IPO11: variants seen among roughly 807,000 people sequenced by gnomAD.
The protein encoded by IPO11 is importin 11, also known as importin-11.
In IPO11, 66 loss-of-function variants were observed where a neutral mutation model predicts 143.2. The observed-to-expected ratio is 0.46, with a 90% CI of 0.38 to 0.57. The LOEUF (loss-of-function observed/expected upper bound fraction) is 0.57, where lower values mean the gene tolerates loss of function less well. IPO11 is among the 20% of genes least tolerant of loss of function. IPO11 has a pLI of 0.00. For missense variants in IPO11, 1,026 were observed against 1,141.0 expected, an observed-to-expected ratio of 0.90 and a Z score of 1.45; for synonymous variants, 385 against 377.8, an observed-to-expected ratio of 1.02 and a Z score of -0.22.
intron 29 of IPO11, among the ~76,000 whole-genome samples, chr5:62,623,994 G>A (rs1241756197): frequency 1.3e-5 from 2 of 151,362 alleles, no homozygotes; most frequent in Non-Finnish European, 2.9e-5. Flanking sequence ...GGAAGGGGTG[G>A]TCAATTCTTA....
At chr5:62,431,865 C>T (rs530356658) in intron 1 of IPO11, among the ~76,000 whole-genome samples, 2 of 152,076 alleles carry the variant, frequency 1.3e-5, no homozygotes, top group East Asian at 3.9e-4. Flanking sequence ...CGCTTGAGCC[C>T]AGGAGGCAGA....
At chr5:62,449,347 C>T (rs544427349) in intron 3 of IPO11, among the ~76,000 whole-genome samples, 7 of 152,216 alleles carry the variant, frequency 4.6e-5, no homozygotes, top group African/African-American at 1.2e-4. Flanking sequence ...TTATTCTTTT[C>T]GGAGATGTTT....
Position 62,526,265 on chromosome 5 carries a change from G to GAA in IPO11, c.2012+12_2012+13dup. The stretch of plus-strand genomic sequence containing the variant: ...AGATGGTTTAGAATTATGGTAAGAG[G>GAA]AAAAACTTAATACCATGGATCTTAT... On this transcript the variant is annotated intron_variant, in intron 21 of 29. Transcript: ENST00000325324. 6.4e-7 allele frequency: 1 copy of GAA among 1,558,582 alleles called. No homozygotes were observed. The highest frequency in any genetic ancestry group is 8.9e-7 in the Non-Finnish European group (1 of 1,129,930).
chr5:62,615,758 G>C (rs1746108065), intron 29 of IPO11, among the ~76,000 whole-genome samples: 1 of 152,214 alleles, frequency 6.6e-6, no homozygotes, highest in Non-Finnish European at 1.5e-5. Flanking sequence ...AGTACAAAAA[G>C]TGGATTGGTT....
At chr5:62,511,363 T>A (rs116247795) in intron 19 of IPO11, among the ~76,000 whole-genome samples, 2,321 of 152,268 alleles carry the variant, frequency 0.015, 57 homozygotes, top group African/African-American at 0.051. Context: ...TTTTATGAGC[T>A]AACTGGAGTG....
intron 1 of IPO11, among the ~76,000 whole-genome samples, chr5:62,425,358 C>T (rs1228190869): frequency 6.6e-6 from 1 of 152,162 alleles, no homozygotes; most frequent in Non-Finnish European, 1.5e-5. Context: ...GCTGTTGTTG[C>T]CCAGGCTGAA....
At chr5:62,413,990 C>T (rs569127623) in intron 1 of IPO11, among the ~76,000 whole-genome samples, 2 of 152,160 alleles carry the variant, frequency 1.3e-5, no homozygotes, top group Non-Finnish European at 2.9e-5. Flanking sequence ...TCTGCAGTAA[C>T]CTAGCACAGG....
chr5:62,544,748 CA>C (rs1424500641), intron 24 of IPO11, among the ~76,000 whole-genome samples: 2 of 152,168 alleles, frequency 1.3e-5, no homozygotes, highest in Non-Finnish European at 2.9e-5. Flanking sequence ...GCAACTTCAG[CA>C]AAATCTCAGG....
At chr5:62,437,086 AAAT>A (rs1234103416) in intron 1 of IPO11, among the ~76,000 whole-genome samples, 185 bp from the exon 2 acceptor site, 1 of 152,170 alleles carries the variant, frequency 6.6e-6, no homozygotes. Flanking sequence ...ATTTAAGCAA[AAAT>A]AATTTGATTA....
At position 62,437,381 on chromosome 5, in the gene IPO11, G is replaced by C. The variant is rs1370914906; in HGVS notation, c.102G>C (p.Gln34His). ...AACCAGCTGAGGAGCAGTTGAAGCA[G>C]TGGGAGACACAGCCAGGTTTCTATT... ...VLKPAEEQLK[Q>H]WETQPGFYSV... is the part of the protein sequence containing the mutation. Residue 34 changes from glutamine (Q) to histidine (H), a missense_variant, in exon 2 of 30, where the codon CAG becomes CAC. Transcript: ENST00000325324. The C allele has an allele frequency of 1.2e-6, 2 of 1,612,192 alleles. No individual in the cohort carries two copies. The highest frequency in any genetic ancestry group is 2.2e-5 in the East Asian group (1 of 44,816).
chr5:62,476,965 C>T (rs1468615979), intron 9 of IPO11, among the ~76,000 whole-genome samples: 1 of 151,968 alleles, frequency 6.6e-6, no homozygotes, highest in African/African-American at 2.4e-5. Flanking sequence ...TGTAAGTCAC[C>T]TTGGTACATG....
At chr5:62,465,454 T>C (rs900972625) in intron 5 of IPO11, among the ~76,000 whole-genome samples, 1 of 152,236 alleles carries the variant, frequency 6.6e-6, no homozygotes, top group Non-Finnish European at 1.5e-5. Context: ...TTTTAAATAT[T>C]ATTTCCCTTC....
chr5:62,424,272 T>C (rs1743628249), intron 1 of IPO11, among the ~76,000 whole-genome samples: 1 of 152,034 alleles, frequency 6.6e-6, no homozygotes, highest in African/African-American at 2.4e-5. Flanking sequence ...CCCGAGTAGC[T>C]GGGACTACAG....
chr5:62,578,212 A>G (rs913681971), intron 27 of IPO11, among the ~76,000 whole-genome samples: 2 of 152,110 alleles, frequency 1.3e-5, no homozygotes, highest in Non-Finnish European at 2.9e-5. Flanking sequence ...TTAGTAGCTT[A>G]CTACCAATTA....
At position 62,598,521 on chromosome 5, in the gene IPO11, T is replaced by C. The variant is rs1366721534; in HGVS notation, c.2679-3243T>C. On this transcript the variant is annotated intron_variant, in intron 28 of 29. Coordinates refer to ENST00000325324, the MANE Select transcript of IPO11 (RefSeq NM_016338.5). ...TTCTTTCTTTCTTTCTTTCTTTCTT[T>C]CTTTCTTTTCTTTCTTTTCTTTCTT... Among the ~76,000 whole-genome samples, 12 of 11,330 alleles carry C rather than the reference T, an allele frequency of 1.1e-3. No homozygotes were observed. In the African/African-American group the frequency reaches 0.013, roughly 12 times the overall value. 7.4% of individuals were successfully genotyped at this position (11,330 alleles called of 152,430 possible).
Position 62,451,897 on chromosome 5 carries a change from T to C in IPO11, c.480T>C (p.Ser160=). ...TFYHVTKTLA[S]KRLAADRKLF... ...ATCATGTTACCAAGACACTGGCATC[T>C]AAACGACTTGCTGCTGATAGAAAAC... The change falls in exon 5 of 30, where the codon TCT becomes TCC. Residue 160 remains serine, a synonymous_variant. Coordinates refer to ENST00000325324, the MANE Select transcript of IPO11 (RefSeq NM_016338.5). 1.2e-6 allele frequency: 2 copies of C among 1,613,946 alleles called. No individual in the cohort carries two copies. Among genetic ancestry groups the C allele is most frequent in the Middle Eastern group, 1.7e-4 (1 of 6,060 alleles).
chr5:62,480,932 T>TTC, intron 9 of IPO11, among the ~76,000 whole-genome samples: 1 of 112,486 alleles, frequency 8.9e-6, no homozygotes, highest in South Asian at 3.4e-4. Flanking sequence ...TTTTTTTTTT[T>TTC]GGAGACAGAG....
Position 62,530,756 on chromosome 5 carries a change from G to A in IPO11, c.2060G>A (p.Arg687His), listed in dbSNP as rs770717460. 9.3e-6 allele frequency: 15 copies of A among 1,612,342 alleles called. No homozygotes were observed. The highest frequency in any genetic ancestry group is 3.3e-5 in the South Asian group (3 of 91,010). ...CCATGTATTACACCAGAGTTGCTTC[G>A]TATATTTCAGAATATGTCACCACTT... ...NSPCITPELL[R>H]IFQNMSPLLE... The change falls in exon 22 of 30, where the codon CGT (arginine) becomes CAT (histidine). Residue 687 changes from arginine to histidine, a missense_variant. Arg to His is a conservative substitution (Grantham distance 29). Coordinates refer to ENST00000325324, the MANE Select transcript of IPO11 (RefSeq NM_016338.5).
At chr5:62,565,279 A>T (rs531463936) in intron 27 of IPO11, among the ~76,000 whole-genome samples, 1 of 152,292 alleles carries the variant, frequency 6.6e-6, no homozygotes, top group African/African-American at 2.4e-5. Context: ...TGAGGTCAGG[A>T]CTTTGAGACC....
Sources: gnomAD v4.1 joint callset for allele counts (sites outside exome capture counted in the v4.1 genomes callset) on GRCh38, gnomAD v4.1.1 for gene constraint, MANE v1.5 for transcripts, NCBI Gene and HGNC (gene_info 2026-07-23, HGNC 2026-07-21) for gene names.